Variants in P4HB observed in about 807,000 individuals in gnomAD.
P4HB encodes prolyl 4-hydroxylase subunit beta, also known as protein disulfide-isomerase.
Under a neutral mutation model 52.6 loss-of-function variants are expected in P4HB, and 20 were observed. The observed-to-expected ratio is 0.38, with a 90% CI of 0.27 to 0.55. The LOEUF (loss-of-function observed/expected upper bound fraction) is 0.55, where lower values mean the gene tolerates loss of function less well. Among genes scored for constraint, P4HB ranks in the 20% least tolerant of loss-of-function variants. The pLI is 0.74. For synonymous variants in P4HB, 296 were observed against 277.9 expected (o/e 1.07, Z -0.65); for missense variants, 601 against 669.2 (o/e 0.90, Z 1.12).
chr17:81,847,921 T>A lies in P4HB; in HGVS notation c.625-574A>T, dbSNP rs1370213596. ...GGTCTTGATCTTTTTTTTTTTTTTT[T>A]TGTGATGGAGTCTTGCTGTGTCTCC... On this transcript the variant is annotated intron_variant, in intron 4 of 10. Transcript: ENST00000331483. The A allele has an allele frequency of 2.0e-5, 3 of 153,272 alleles. No homozygotes were observed. In the East Asian group the frequency reaches 5.8e-4, roughly 30 times the overall value. The allele number at this position is 153,272 out of a possible 1,614,324, so 9.5% of individuals were successfully genotyped here.
intron 4 of P4HB, among the ~76,000 whole-genome samples, chr17:81,849,675 G>A (rs934665169): frequency 6.6e-6 from 1 of 152,090 alleles, no homozygotes; most frequent in Non-Finnish European, 1.5e-5. Flanking sequence ...AGGCTGTGGC[G>A]CCCCAACCAC....
chr17:81,860,339 G>T lies in P4HB; in HGVS notation c.133C>A (p.Leu45Met). ...GCCCGGCGCTCACAGAACTCCACCAGCAGGTACTTGTGGGCCGCCAGCGCC... is the reference window on the plus strand; with the variant it reads ...GCCCGGCGCTCACAGAACTCCACCATCAGGTACTTGTGGGCCGCCAGCGCC... ...AEALAAHKYL[L>M]VEFYAPWCGH... The change falls in exon 1 of 11, where the codon CTG becomes ATG. Residue 45 changes from leucine to methionine, a missense_variant. Leu to Met is a conservative substitution (Grantham distance 15, BLOSUM62 2). Transcript: ENST00000331483. The T allele has an allele frequency of 6.8e-7, 1 of 1,469,538 alleles. No individual in the cohort carries two copies. Among genetic ancestry groups the T allele is most frequent in the Non-Finnish European group, 9.0e-7 (1 of 1,109,170 alleles). The allele number at this position is 1,469,538 out of a possible 1,614,324, so 91.0% of individuals were successfully genotyped here.
rs2038959988 is a variant in P4HB, at chr17:81,859,200, A to G, written c.333T>C (p.Ala111=). 1.2e-6 allele frequency: 2 copies of G among 1,613,784 alleles called. No individual in the cohort carries two copies. Among genetic ancestry groups the G allele is most frequent in the Middle Eastern group, 1.6e-4 (1 of 6,084 alleles). ...CCACACCTGTATATTCCTTGGGGGA[A>G]GCCGTGTCTCCATTCCTGAAGAACT... ...TIKFFRNGDT[A]SPKEYTAGRE... is the part of the protein sequence containing the mutation. Residue 111 remains alanine, a synonymous_variant, in exon 2 of 11, where the codon GCT becomes GCC. Coordinates refer to ENST00000331483, the MANE Select transcript of P4HB (RefSeq NM_000918.4).
chr17:81,844,395 C>T lies in P4HB; in HGVS notation c.1447-303G>A, dbSNP rs146023056. 0.011 allele frequency among the ~76,000 whole-genome samples: 1,625 copies of T among 152,286 alleles called. 32 individuals carry two copies. The highest frequency in any genetic ancestry group is 0.037 in the African/African-American group (1,531 of 41,550). On this transcript the variant is annotated intron_variant, in intron 10 of 10. Coordinates refer to ENST00000331483, the MANE Select transcript of P4HB (RefSeq NM_000918.4). ...GGCATGGAAGGCGTATGTGTGTCTC[C>T]CAGCTTGGCACCATGGAGTCTACAG...
At chr17:81,845,492 C>G in intron 9 of P4HB, 69 bp downstream of exon 9, 1 of 1,446,330 alleles carries the variant, frequency 6.9e-7, no homozygotes, top group South Asian at 1.4e-5. Flanking sequence ...CAGAGAGGCA[C>G]CCAGGCTGGC....
intron 1 of P4HB, chr17:81,859,824 G>A (rs555121915): frequency 3.5e-5 from 8 of 226,862 alleles, no homozygotes; most frequent in Non-Finnish European, 6.2e-5. Context: ...GAGTTGCTTA[G>A]GGTGAGAATA....
Position 81,855,580 on chromosome 17 carries a change from C to T in P4HB, c.359G>A (p.Arg120Lys). Residue 120 changes from arginine (R) to lysine (K), a missense_variant, in exon 3 of 11, where the codon AGA becomes AAA. Coordinates refer to ENST00000331483, the MANE Select transcript of P4HB (RefSeq NM_000918.4). This position sits in a 1 kb window ranked among gnomAD's most constrained non-coding sequence, Gnocchi z 4.3. ...CCAGTTCACGATGTCATCAGCCTCTCTGCCAGCTAACCCCAAACAAATGTA... is the reference window on the plus strand; with the variant it reads ...CCAGTTCACGATGTCATCAGCCTCTTTGCCAGCTAACCCCAAACAAATGTA... Reference protein sequence around the residue: ...TASPKEYTAGREADDIVNWLK... With the variant: ...TASPKEYTAGKEADDIVNWLK... 1 of 1,613,316 alleles carries T rather than the reference C, an allele frequency of 6.2e-7. No individual in the cohort carries two copies. The highest frequency in any genetic ancestry group is 8.5e-7 in the Non-Finnish European group (1 of 1,179,664).
intron 2 of P4HB, among the ~76,000 whole-genome samples, chr17:81,856,473 G>A (rs1334078320): frequency 6.6e-6 from 1 of 150,946 alleles, no homozygotes; most frequent in Non-Finnish European, 1.5e-5. Flanking sequence ...GCGTAGCTAG[G>A]ATTATAGGTG....
At position 81,855,978 on chromosome 17, in the gene P4HB, C is replaced by T. The variant is rs140098460; in HGVS notation, c.353-392G>A. 5.6e-5 allele frequency: 10 copies of T among 178,192 alleles called. No homozygotes were observed. The East Asian group carries it at 1.4e-3, about 25-fold the overall frequency. The allele number at this position is 178,192 out of a possible 1,614,324, so 11.0% of individuals were successfully genotyped here. On this transcript the variant is annotated intron_variant, in intron 2 of 10. Transcript: ENST00000331483. The surrounding 1 kb of genome is among the most constrained non-coding windows in gnomAD (Gnocchi z 4.3). ...CCACCCACTGGGCTCAAGCAATCTT[C>T]CCAACCTCAGCCTCCTGAGTATCTG...
chr17:81,844,464 C>A (rs2038702105), intron 10 of P4HB, among the ~76,000 whole-genome samples: 1 of 152,190 alleles, frequency 6.6e-6, no homozygotes, highest in Non-Finnish European at 1.5e-5. Flanking sequence ...GCATGAAGTC[C>A]AGGCACAGTC....
At position 81,855,855 on chromosome 17, in the gene P4HB, T is replaced by C. The variant is rs1382863070; in HGVS notation, c.353-269A>G. 5.1e-6 allele frequency: 2 copies of C among 393,900 alleles called. No individual in the cohort carries two copies. The highest frequency in any genetic ancestry group is 2.1e-5 in the African/African-American group (1 of 48,254). The allele number at this position is 393,900 out of a possible 1,614,324, so 24.4% of individuals were successfully genotyped here. A position where few individuals can be genotyped will look rare whatever the true frequency, so the allele number is the denominator to read the frequency against. ...AACAGGATCACAAACCCATTTTTTTTCTCTGATCTCTCTGCATTTTCTTTT... is the reference window on the plus strand; with the variant it reads ...AACAGGATCACAAACCCATTTTTTTCCTCTGATCTCTCTGCATTTTCTTTT... On this transcript the variant is annotated intron_variant, in intron 2 of 10. Coordinates refer to ENST00000331483, the MANE Select transcript of P4HB (RefSeq NM_000918.4). This position sits in a 1 kb window ranked among gnomAD's most constrained non-coding sequence, Gnocchi z 4.3.
At position 81,846,374 on chromosome 17, in the gene P4HB, C is replaced by T. The variant is rs1362809459; in HGVS notation, c.1056+55G>A. 12 of 1,517,930 alleles carry T rather than the reference C, an allele frequency of 7.9e-6. No homozygotes were observed. Among genetic ancestry groups the T allele is most frequent in the Middle Eastern group, 1.9e-4 (1 of 5,264 alleles). 94.0% of individuals were successfully genotyped at this position (1,517,930 alleles called of 1,614,324 possible). On this transcript the variant is annotated intron_variant, in intron 7 of 10. Coordinates refer to ENST00000331483, the MANE Select transcript of P4HB (RefSeq NM_000918.4). The surrounding 1 kb of genome is among the most constrained non-coding windows in gnomAD (Gnocchi z 5.7). ...CCCAGGACACTGAGAGCCCAGAGAC[C>T]CCAAGGTGGCGGCTCTACCCGGGAG...
intron 10 of P4HB, among the ~76,000 whole-genome samples, chr17:81,844,516 T>G (rs2038703086): frequency 6.6e-6 from 1 of 152,152 alleles, no homozygotes; most frequent in Non-Finnish European, 1.5e-5. Context: ...CCTTGGGCTC[T>G]GGCCAATGAC....
Position 81,843,998 on chromosome 17 carries a change from T to A in P4HB, c.*14A>T, listed in dbSNP as rs199996586. The A allele has an allele frequency of 1.6e-5, 25 of 1,603,476 alleles. No homozygotes were observed. In the South Asian group the frequency reaches 2.2e-4, roughly 14 times the overall value. On this transcript the variant is annotated 3_prime_UTR_variant, in exon 11 of 11. Transcript: ENST00000331483. ...CCGAGGGGTCTCGGCAGCGCCCGGG[T>A]CTGGCTTTGCGTATTACAGTTCATC...
At position 81,855,342 on chromosome 17, in the gene P4HB, C is replaced by T. The variant is rs560093661; in HGVS notation, c.487-63G>A. The stretch of plus-strand genomic sequence containing the variant: ...CGCAGCACCAAGCAGTAGGGCAGAC[C>T]CTGTAGAGCCCAGGCCAGGGGGGAC... On this transcript the variant is annotated intron_variant, in intron 3 of 10. Transcript: ENST00000331483. This position sits in a 1 kb window ranked among gnomAD's most constrained non-coding sequence, Gnocchi z 4.3. 3.7e-6 allele frequency: 6 copies of T among 1,607,712 alleles called. No individual in the cohort carries two copies. Among genetic ancestry groups the T allele is most frequent in the East Asian group, 2.2e-5 (1 of 44,780 alleles).
intron 5 of P4HB, 51 bp from the exon 6 acceptor site, chr17:81,847,123 G>C (rs369513834): frequency 6.2e-7 from 1 of 1,611,488 alleles, no homozygotes; most frequent in Admixed American, 1.7e-5. Flanking sequence ...TATTAATGCA[G>C]AAGATTCTCC....
intron 1 of P4HB, chr17:81,860,087 C>T (rs2038974749): frequency 2.6e-6 from 1 of 382,262 alleles, no homozygotes; most frequent in Non-Finnish European, 4.7e-6. Context: ...CTGTTCTTCT[C>T]GCACTAACAG....
chr17:81,859,539 T>A, intron 1 of P4HB, 152 bp from the exon 2 acceptor site: 1 of 669,628 alleles, frequency 1.5e-6, no homozygotes, highest in Admixed American at 2.7e-5. Context: ...AAGGCTGAGC[T>A]GATAGCCTGG....
At chr17:81,849,374 TA>T (rs2038792014) in intron 4 of P4HB, among the ~76,000 whole-genome samples, 1 of 151,922 alleles carries the variant, frequency 6.6e-6, no homozygotes, top group Non-Finnish European at 1.5e-5. Context: ...CGGGTGCCTG[TA>T]ATCCCAACTA....
Sources: allele counts gnomAD v4.1 joint callset (sites outside exome capture counted in the v4.1 genomes callset), GRCh38; gene constraint gnomAD v4.1.1; non-coding constraint Gnocchi (gnomAD v3.1); transcripts MANE v1.5; gene names NCBI Gene and HGNC (gene_info 2026-07-23, HGNC 2026-07-21).